TANC1: variants seen among roughly 807,000 people sequenced by gnomAD.
TANC1 encodes protein TANC1.
TANC1 carries 77 observed loss-of-function variants against 149.7 expected under a neutral mutation model. That is an observed-to-expected ratio of 0.51 (90% CI 0.43 to 0.62). The LOEUF (loss-of-function observed/expected upper bound fraction) is 0.62. TANC1 is among the 20% of genes least tolerant of loss of function. The pLI, the probability that TANC1 is intolerant of heterozygous loss-of-function variation, is 0.00. For missense variants in TANC1, 1,985 were observed against 2,321.8 expected, an observed-to-expected ratio of 0.85 and a Z score of 2.98; for synonymous variants, 854 against 925.0, an observed-to-expected ratio of 0.92 and a Z score of 1.39.
Position 159,185,821 on chromosome 2 carries a change from C to G in TANC1, c.2541C>G (p.Phe847Leu), listed in dbSNP as rs1409846757. 5 of 1,614,112 alleles carry G rather than the reference C, an allele frequency of 3.1e-6. No homozygotes were observed. In the South Asian group the frequency reaches 5.5e-5, roughly 18 times the overall value. Reference sequence around the variant, plus strand: ...GGCACGCGCTCTTGGCATTCATGTTCTCGCGTCAGGAGGGCAAGTTGAACC... The same window carrying G: ...GGCACGCGCTCTTGGCATTCATGTTGTCGCGTCAGGAGGGCAAGTTGAACC... The part of the protein sequence containing the change: ...RNGHALLAFM[F>L]SRQEGKLNRQ... The change falls in exon 15 of 27, where the codon TTC (phenylalanine) becomes TTG (leucine). Residue 847 changes from phenylalanine (F) to leucine (L), a missense_variant. Transcript: ENST00000263635.
intron 1 of TANC1, among the ~76,000 whole-genome samples, chr2:158,983,399 G>A (rs1446375209): frequency 6.0e-5 from 9 of 148,838 alleles, no homozygotes; most frequent in Non-Finnish European, 8.9e-5. Flanking sequence ...CCCGGGAGGC[G>A]GAGCTTGCAA....
At chr2:159,098,255 C>A (rs1229944103) in intron 4 of TANC1, among the ~76,000 whole-genome samples, 1 of 152,166 alleles carries the variant, frequency 6.6e-6, no homozygotes, top group African/African-American at 2.4e-5. Context: ...TATGCAGATA[C>A]TTGCCACTAC....
intron 3 of TANC1, among the ~76,000 whole-genome samples, chr2:159,076,166 T>A (rs2043652687): frequency 6.6e-6 from 1 of 152,214 alleles, no homozygotes; most frequent in Non-Finnish European, 1.5e-5. Flanking sequence ...AGGGGCTTGT[T>A]AGTCTTGTTC....
chr2:159,010,249 ACATAAAAAAGACTTAGTCACTTT>A (rs1188834856), intron 2 of TANC1, among the ~76,000 whole-genome samples: 2 of 152,218 alleles, frequency 1.3e-5, no homozygotes, highest in East Asian at 3.8e-4. Context: ...CCTTAATTTT[ACATAAAAAAGACTTAGTCACTTT>A]CATAACTAAT....
chr2:158,978,011 T>C (rs916111490), intron 1 of TANC1, among the ~76,000 whole-genome samples: 2 of 152,242 alleles, frequency 1.3e-5, no homozygotes, highest in Admixed American at 1.3e-4. Context: ...TTTCAGTTTT[T>C]CTTTCCTTTT....
chr2:158,989,525 A>G (rs914600092), intron 1 of TANC1, among the ~76,000 whole-genome samples: 1 of 150,652 alleles, frequency 6.6e-6, no homozygotes, highest in African/African-American at 2.4e-5. Flanking sequence ...TGGGAGAATC[A>G]CTTGAGCCTG....
At chr2:158,985,525 A>C (rs1397154313) in intron 1 of TANC1, among the ~76,000 whole-genome samples, 6 of 152,236 alleles carry the variant, frequency 3.9e-5, no homozygotes, top group Non-Finnish European at 2.9e-5. Context: ...CAGAGATTGC[A>C]TAGTGCCAAA....
In TANC1 at chr2:159,153,755, A is replaced by G. The variant is rs185817706; in HGVS notation, c.682+3199A>G. Among the ~76,000 whole-genome samples the G allele has an allele frequency of 6.7e-3, 1,026 of 152,226 alleles. 5 individuals carry two copies. Among genetic ancestry groups the G allele is most frequent in the Middle Eastern group, 0.017 (5 of 294 alleles). On this transcript the variant is annotated intron_variant, in intron 7 of 26. Transcript: ENST00000263635. ...TGCCTCTTCACAGAGCAGGTTATCT[A>G]TGACTCAGTTGTGGTTCTGTGATTG...
chr2:159,028,770 T>C lies in TANC1; in HGVS notation c.-16+27581T>C, dbSNP rs573320875. Among the ~76,000 whole-genome samples the C allele has an allele frequency of 3.3e-5, 5 of 152,314 alleles. 1 individual carries two copies. In the South Asian group the frequency reaches 1.0e-3, roughly 32 times the overall value. On this transcript the variant is annotated intron_variant, in intron 2 of 26. Coordinates refer to ENST00000263635, the MANE Select transcript of TANC1 (RefSeq NM_033394.3). ...AGTTTGATTATTAATTAATTAATTA[T>C]GATTATTATTGTTGAGATAGGGTCT...
chr2:159,010,904 G>C (rs529734963), intron 2 of TANC1, among the ~76,000 whole-genome samples: 22 of 151,740 alleles, frequency 1.4e-4, no homozygotes, highest in Non-Finnish European at 2.9e-4. Context: ...TCTTTCTTTT[G>C]GTTTTTGTTT....
At chr2:158,976,621 C>G (rs960666038) in intron 1 of TANC1, among the ~76,000 whole-genome samples, 3 of 152,208 alleles carry the variant, frequency 2.0e-5, no homozygotes, top group Non-Finnish European at 4.4e-5. Flanking sequence ...TGACTCATGC[C>G]TGTAATCCCA....
intron 2 of TANC1, among the ~76,000 whole-genome samples, chr2:159,031,131 T>C (rs1026507949): frequency 6.6e-6 from 1 of 151,996 alleles, no homozygotes; most frequent in Non-Finnish European, 1.5e-5. Flanking sequence ...TAGAGGGTGA[T>C]TTAGGCCTGT....
chr2:158,994,414 C>T (rs900071006), intron 1 of TANC1, among the ~76,000 whole-genome samples: 2 of 152,132 alleles, frequency 1.3e-5, no homozygotes, highest in Non-Finnish European at 2.9e-5. Flanking sequence ...GGACTACAGG[C>T]AAGTGCTACC....
intron 1 of TANC1, among the ~76,000 whole-genome samples, chr2:158,994,753 C>T (rs1395897222): frequency 6.6e-6 from 1 of 152,096 alleles, no homozygotes; most frequent in Non-Finnish European, 1.5e-5. Flanking sequence ...ACTATTTTGC[C>T]AAGTCATAAA....
At chr2:159,027,307 A>G (rs2039427775) in intron 2 of TANC1, among the ~76,000 whole-genome samples, 1 of 152,154 alleles carries the variant, frequency 6.6e-6, no homozygotes, top group Non-Finnish European at 1.5e-5. Context: ...CTGCTTAAAT[A>G]TTTCTTCTGC....
chr2:159,104,134 G>C (rs553596427), intron 4 of TANC1, among the ~76,000 whole-genome samples: 1 of 96,412 alleles, frequency 1.0e-5, no homozygotes, highest in South Asian at 3.6e-4. Flanking sequence ...GTGAATAGGA[G>C]AGCATTCTTT....
chr2:159,013,691 CT>C (rs1026306684), intron 2 of TANC1, among the ~76,000 whole-genome samples: 1 of 152,110 alleles, frequency 6.6e-6, no homozygotes, highest in Non-Finnish European at 1.5e-5. Flanking sequence ...TTGTGTCCTC[CT>C]GATAGGAGAG....
intron 1 of TANC1, among the ~76,000 whole-genome samples, chr2:158,974,182 C>A (rs139929842): frequency 4.6e-5 from 7 of 152,252 alleles, no homozygotes; most frequent in African/African-American, 1.7e-4. Context: ...TTAACAACAA[C>A]TGTTTATTTG....
chr2:159,179,592 C>CCACT (rs546893619), intron 14 of TANC1, among the ~76,000 whole-genome samples: 29 of 152,236 alleles, frequency 1.9e-4, no homozygotes, highest in Non-Finnish European at 3.7e-4. Context: ...CTCAGCACCT[C>CCACT]CACTCCCCTG....
Sources: gnomAD v4.1 joint callset for allele counts (sites outside exome capture counted in the v4.1 genomes callset) on GRCh38, gnomAD v4.1.1 for gene constraint, MANE v1.5 for transcripts, NCBI Gene and HGNC (gene_info 2026-07-23, HGNC 2026-07-21) for gene names.